The following CEP290 variants were observed in gnomAD, a reference collection of about 807,000 sequenced individuals.
The protein encoded by CEP290 is centrosomal protein 290, also known as centrosomal protein of 290 kDa.
In CEP290, 317 loss-of-function variants were observed where a neutral mutation model predicts 344.9. The ratio of observed to expected loss-of-function variants is 0.92; its 90% CI spans 0.84 to 1.01. The LOEUF is 1.01. Among genes scored for constraint, CEP290 ranks in the 50% least tolerant of loss-of-function variants. CEP290 has a pLI of 0.00. For missense variants in CEP290, 2,754 were observed against 2,761.4 expected (o/e 1.00, Z 0.06); for synonymous variants, 932 against 895.8 (o/e 1.04, Z -0.72).
chr12:88,071,540 G>T (rs1421914255), intron 42 of CEP290, 91 bp from the exon 43 acceptor site: 18 of 1,080,808 alleles, frequency 1.7e-5, no homozygotes, highest in Non-Finnish European at 2.2e-5. Context: ...TACAATAATT[G>T]TAACACCCTA....
intron 25 of CEP290, among the ~76,000 whole-genome samples, chr12:88,104,918 C>T (rs951658089): frequency 6.6e-6 from 1 of 151,650 alleles, no homozygotes; most frequent in Non-Finnish European, 1.5e-5. Context: ...AGTAAAAATC[C>T]GATACTATTT....
intron 25 of CEP290, 97 bp from the exon 26 acceptor site, chr12:88,103,108 G>A (rs1347646865): frequency 3.2e-6 from 2 of 622,184 alleles, no homozygotes; most frequent in Non-Finnish European, 4.9e-6. Context: ...AAAGTAAAAC[G>A]AATTTTAAAA....
chr12:88,106,917 C>G lies in CEP290; in HGVS notation c.2587-12G>C, dbSNP rs1166834197. ...GCATTGAGCAAATTCTGCACAAAGA[C>G]ACATCCATATTACTTGTTGAATCTA... On this transcript the variant is annotated splice_polypyrimidine_tract_variant and intron_variant, in intron 24 of 53. Coordinates refer to ENST00000552810, the MANE Select transcript of CEP290 (RefSeq NM_025114.4). The G allele has an allele frequency of 6.3e-7, 1 of 1,590,052 alleles. No individual in the cohort carries two copies.
chr12:88,107,710 T>G (rs537665716), intron 23 of CEP290, among the ~76,000 whole-genome samples: 75 of 151,328 alleles, frequency 5.0e-4, no homozygotes, highest in African/African-American at 1.7e-3. Flanking sequence ...GAGACTAGCG[T>G]GGACAATATG....
chr12:88,073,181 A>G (rs2035512351), intron 41 of CEP290, among the ~76,000 whole-genome samples: 1 of 152,198 alleles, frequency 6.6e-6, no homozygotes, highest in African/African-American at 2.4e-5. Flanking sequence ...TGGTTTTACT[A>G]TACACTAAGT....
At chr12:88,099,102 A>G (rs2037680747) in intron 26 of CEP290, among the ~76,000 whole-genome samples, 1 of 152,246 alleles carries the variant, frequency 6.6e-6, no homozygotes, top group Admixed American at 6.5e-5. Flanking sequence ...GAAACTAGCC[A>G]GAAAGACATT....
chr12:88,129,125 AAT>A, intron 10 of CEP290, 90 bp from the exon 11 acceptor site: 1 of 591,426 alleles, frequency 1.7e-6, no homozygotes, highest in South Asian at 3.3e-5. Flanking sequence ...TATATATATA[AAT>A]ATATCTACAT....
At chr12:88,099,070 A>T (rs2037678337) in intron 26 of CEP290, among the ~76,000 whole-genome samples, 1 of 152,216 alleles carries the variant, frequency 6.6e-6, no homozygotes, top group South Asian at 2.1e-4. Flanking sequence ...TGGAGAATAA[A>T]GGGGTCAATA....
At chr12:88,089,599 T>C in intron 30 of CEP290, 112 bp from the exon 31 acceptor site, 3 of 658,580 alleles carry the variant, frequency 4.6e-6, no homozygotes, top group South Asian at 4.0e-5. Context: ...CAGTGGCACA[T>C]GAGATCTACA....
chr12:88,093,885 T>C lies in CEP290; in HGVS notation c.3194A>G (p.Lys1065Arg). Residue 1065 changes from lysine (K) to arginine (R), a missense_variant, in exon 28 of 54, where the codon AAG (lysine) becomes AGG (arginine). Transcript: ENST00000552810. The stretch of plus-strand genomic sequence containing the variant: ...AGCCCGCTGCCTTTCATTTAATTCC[T>C]TCATTTCCAGCATAGTTATTTTTTT... Reference protein sequence around the residue: ...ISKKITMLEMKELNERQRAEH... With the variant: ...ISKKITMLEMRELNERQRAEH... 6.2e-7 allele frequency: 1 copy of C among 1,612,996 alleles called. No homozygotes were observed. The highest frequency in any genetic ancestry group is 1.1e-5 in the South Asian group (1 of 90,990).
In CEP290 at chr12:88,083,875, G is replaced by C. The variant is rs1266899460; in HGVS notation, c.4784C>G (p.Ser1595Ter). The C allele has an allele frequency of 6.3e-7, 1 of 1,587,142 alleles. No individual in the cohort carries two copies. The highest frequency in any genetic ancestry group is 2.3e-5 in the East Asian group (1 of 44,114). The change falls in exon 36 of 54, where the codon TCA becomes TGA. Residue 1595 changes from serine (S) to a stop codon, truncating the protein, a stop_gained. Transcript: ENST00000552810. LOFTEE classifies it high-confidence loss of function. Reference sequence around the variant, plus strand: ...AGCCGTTTGTTTGAATTTATTTAGTGAACTATCAGCCTGTAGTTCTAATCT... The same window carrying C: ...AGCCGTTTGTTTGAATTTATTTAGTCAACTATCAGCCTGTAGTTCTAATCT... The part of the protein sequence containing the change: ...HHRLELQADS[S>*]LNKFKQTAWD...
At chr12:88,136,819 C>T (rs1197568131) in intron 5 of CEP290, 33 bp from the exon 6 acceptor site, 3 of 1,599,610 alleles carry the variant, frequency 1.9e-6, no homozygotes, top group Non-Finnish European at 2.6e-6. Context: ...ATAAATTAAT[C>T]CCATTATATT....
In CEP290 at chr12:88,130,376, T is replaced by C; in HGVS notation, c.561A>G (p.Ile187Met). 1 of 1,610,622 alleles carries C rather than the reference T, an allele frequency of 6.2e-7. No individual in the cohort carries two copies. Among genetic ancestry groups the C allele is most frequent in the Non-Finnish European group, 8.5e-7 (1 of 1,178,718 alleles). The stretch of plus-strand genomic sequence containing the variant: ...ATAAAAGTGTTTCTTTCTGTGAATC[T>C]ATTTGTTTCTGGTAGTCAATAATAT... Reference protein sequence around the residue: ...CQDIIDYQKQIDSQKETLLSR... With the variant: ...CQDIIDYQKQMDSQKETLLSR... Residue 187 changes from isoleucine to methionine, a missense_variant, in exon 9 of 54, where the codon ATA (isoleucine) becomes ATG (methionine). Ile to Met is a conservative substitution (Grantham distance 10). Coordinates refer to ENST00000552810, the MANE Select transcript of CEP290 (RefSeq NM_025114.4).
intron 43 of CEP290, among the ~76,000 whole-genome samples, chr12:88,070,579 TG>T (rs1565810371): frequency 1.3e-5 from 2 of 152,178 alleles, no homozygotes; most frequent in Non-Finnish European, 1.5e-5. Context: ...TAATATTTTT[TG>T]GGAGGGAAAT....
intron 27 of CEP290, 68 bp from the exon 28 acceptor site, chr12:88,094,043 G>T: frequency 8.4e-7 from 1 of 1,190,134 alleles, no homozygotes; most frequent in Non-Finnish European, 1.2e-6. Flanking sequence ...TATTTTAGAT[G>T]CTGTATATTA....
chr12:88,055,695 C>A lies in CEP290; in HGVS notation c.6841G>T (p.Glu2281Ter), dbSNP rs2136656497. 6.5e-7 allele frequency: 1 copy of A among 1,533,934 alleles called. No homozygotes were observed. Among genetic ancestry groups the A allele is most frequent in the Non-Finnish European group, 8.8e-7 (1 of 1,137,464 alleles). ...TTTTTGGCAATATCAGTTTCCAATT[C>A]TTTTAACTTGGTTTCATACATTCTA... is the stretch of plus-strand genomic sequence containing the variant. ...VTRMYETKLK[E>*]LETDIAKKNQ... The change falls in exon 50 of 54, where the codon GAA becomes TAA. Residue 2281 changes from glutamate to a stop codon, truncating the protein, a stop_gained. Transcript: ENST00000552810. LOFTEE classifies it high-confidence loss of function.
At position 88,089,307 on chromosome 12, in the gene CEP290, CA is replaced by C; in HGVS notation, c.3753del (p.Tyr1251Ter). 6.2e-7 allele frequency: 1 copy of C among 1,613,904 alleles called. No individual in the cohort carries two copies. The highest frequency in any genetic ancestry group is 1.3e-5 in the African/African-American group (1 of 75,018). On this transcript the variant is annotated frameshift_variant, in exon 31 of 54. Coordinates refer to ENST00000552810, the MANE Select transcript of CEP290 (RefSeq NM_025114.4). LOFTEE classifies it high-confidence loss of function. ...GCTCTGTTTCTTCCCTCCAAACGAG[CA>C]TAATAGAGAGCCTGTTCTTTTTCAT... Reference protein sequence around the residue: ...KLDEKEQALYYARLEGRNRAK... With the variant: ...KLDEKEQALYXARLEGRNRAK...
At chr12:88,137,036 G>A (rs535204850) in intron 5 of CEP290, among the ~76,000 whole-genome samples, 1 of 151,830 alleles carries the variant, frequency 6.6e-6, no homozygotes, top group South Asian at 2.1e-4. Flanking sequence ...TAATCATTCT[G>A]TTGTAACCAC....
At chr12:88,076,766 A>C (rs1023211297) in intron 41 of CEP290, among the ~76,000 whole-genome samples, 1 of 152,096 alleles carries the variant, frequency 6.6e-6, no homozygotes, top group African/African-American at 2.4e-5. Context: ...TAACTTTGCT[A>C]TCTGAAATAA....
Sources: allele counts gnomAD v4.1 joint callset (sites outside exome capture counted in the v4.1 genomes callset), GRCh38; gene constraint gnomAD v4.1.1; transcripts MANE v1.5; gene names NCBI Gene and HGNC (gene_info 2026-07-23, HGNC 2026-07-21).